The following CHST8 variants were observed in gnomAD, a reference collection of about 807,000 sequenced individuals.
CHST8 encodes the protein GALNAC-4-ST1.
CHST8 carries 10 observed loss-of-function variants against 15.0 expected under a neutral mutation model. The ratio of observed to expected loss-of-function variants is 0.67; its 90% CI spans 0.41 to 1.13. The LOEUF (loss-of-function observed/expected upper bound fraction) is 1.13. Ranked by LOEUF, CHST8 falls within the 50% of genes most tolerant of loss-of-function variation. The probability of loss-of-function intolerance (pLI) is 0.00; values close to 1 mark genes in which losing one functional copy is unlikely to be tolerated. For missense variants in CHST8, 634 were observed against 608.2 expected, an observed-to-expected ratio of 1.04 and a Z score of -0.45; for synonymous variants, 259 against 256.6, an observed-to-expected ratio of 1.01 and a Z score of -0.09.
chr19:33,770,894 G>T lies in CHST8; in HGVS notation c.131-519G>T, dbSNP rs191652260. 5.3e-5 allele frequency among the ~76,000 whole-genome samples: 8 copies of T among 152,246 alleles called. No individual in the cohort carries two copies. The East Asian group carries it at 1.5e-3, about 29-fold the overall frequency. ...CCTGTAGCAAGAGGAGAAGAAGCAC[G>T]TTCCATTCCTAGGCCTGGTGTGTGC... On this transcript the variant is annotated intron_variant, in intron 3 of 4. Coordinates refer to ENST00000650847, the MANE Select transcript of CHST8 (RefSeq NM_001127895.2).
At chr19:33,626,117 C>T (rs1214307433) in intron 1 of CHST8, among the ~76,000 whole-genome samples, 1 of 152,146 alleles carries the variant, frequency 6.6e-6, no homozygotes, top group East Asian at 1.9e-4. Flanking sequence ...CCAGAGGATG[C>T]GGCAGACGCC....
intron 1 of CHST8, among the ~76,000 whole-genome samples, chr19:33,634,076 T>C (rs552442501): frequency 1.2e-4 from 18 of 152,168 alleles, no homozygotes; most frequent in Non-Finnish European, 2.4e-4. Flanking sequence ...CGCCTTGGCC[T>C]CCCAAAGTCC....
chr19:33,643,440 G>A (rs1972309119), intron 1 of CHST8, among the ~76,000 whole-genome samples: 1 of 152,184 alleles, frequency 6.6e-6, no homozygotes. Flanking sequence ...CCCGTGTTCT[G>A]GAGGCAGCCA....
chr19:33,721,162 C>T (rs1001462916), intron 3 of CHST8, among the ~76,000 whole-genome samples: 4 of 152,222 alleles, frequency 2.6e-5, no homozygotes, highest in Admixed American at 2.0e-4. Flanking sequence ...GGGACCCTCT[C>T]TGGGGGCCCG....
chr19:33,723,960 C>T (rs1230313269), intron 3 of CHST8, among the ~76,000 whole-genome samples: 1 of 152,176 alleles, frequency 6.6e-6, no homozygotes, highest in Non-Finnish European at 1.5e-5. Context: ...GAGTAGCTTC[C>T]CGTGGCGAAG....
At chr19:33,737,205 AG>A (rs754955276) in intron 3 of CHST8, among the ~76,000 whole-genome samples, 7 of 152,340 alleles carry the variant, frequency 4.6e-5, no homozygotes, top group Admixed American at 2.0e-4. Flanking sequence ...AGCAGCCCTA[AG>A]GGCTTCTCTG....
At chr19:33,743,205 G>A (rs1334436400) in intron 3 of CHST8, among the ~76,000 whole-genome samples, 1 of 152,058 alleles carries the variant, frequency 6.6e-6, no homozygotes, top group Non-Finnish European at 1.5e-5. Context: ...AGGCAGTAGT[G>A]GATTTTCCAG....
chr19:33,703,947 G>A (rs1330832493), intron 3 of CHST8, among the ~76,000 whole-genome samples: 2 of 152,206 alleles, frequency 1.3e-5, no homozygotes, highest in Admixed American at 6.5e-5. Flanking sequence ...CCTGCACAGC[G>A]CAGGCTCCTA....
At chr19:33,704,986 T>C (rs1422815178) in intron 3 of CHST8, among the ~76,000 whole-genome samples, 1 of 151,948 alleles carries the variant, frequency 6.6e-6, no homozygotes, top group Admixed American at 6.6e-5. Flanking sequence ...GCAGCTCTAA[T>C]TTGGAATGTG....
At chr19:33,741,207 G>T (rs1275588112) in intron 3 of CHST8, among the ~76,000 whole-genome samples, 1 of 152,158 alleles carries the variant, frequency 6.6e-6, no homozygotes, top group Non-Finnish European at 1.5e-5. Context: ...TATTGACTCT[G>T]CCTGTAACGT....
intron 2 of CHST8, among the ~76,000 whole-genome samples, chr19:33,672,043 G>T (rs571185332): frequency 4.0e-5 from 6 of 151,862 alleles, no homozygotes; most frequent in African/African-American, 1.5e-4. Flanking sequence ...ATATATATGT[G>T]TGTGCATATA....
Position 33,757,658 on chromosome 19 carries a change from A to G in CHST8, c.131-13755A>G, listed in dbSNP as rs1034268917. Among the ~76,000 whole-genome samples, 11 of 151,694 alleles carry G rather than the reference A, an allele frequency of 7.3e-5. 1 individual carries two copies. Among genetic ancestry groups the G allele is most frequent in the Non-Finnish European group, 1.5e-4 (10 of 67,938 alleles). ...GGGCTCTTGGACAGGTATCCAGGGGAGGTGATGTCCCCACAGCCAGCCACT... is the reference window on the plus strand; with the variant it reads ...GGGCTCTTGGACAGGTATCCAGGGGGGGTGATGTCCCCACAGCCAGCCACT... On this transcript the variant is annotated intron_variant, in intron 3 of 4. Coordinates refer to ENST00000650847, the MANE Select transcript of CHST8 (RefSeq NM_001127895.2).
intron 3 of CHST8, among the ~76,000 whole-genome samples, chr19:33,713,801 G>T (rs1973605963): frequency 1.3e-5 from 2 of 152,104 alleles, no homozygotes; most frequent in Non-Finnish European, 2.9e-5. Flanking sequence ...CTTCGAACGG[G>T]CACCCGCCTT....
intron 3 of CHST8, among the ~76,000 whole-genome samples, chr19:33,728,352 GC>G (rs1973939875): frequency 6.6e-6 from 1 of 152,228 alleles, no homozygotes; most frequent in Non-Finnish European, 1.5e-5. Flanking sequence ...TGTAGCCAGG[GC>G]GGTGCCCTCT....
At chr19:33,725,452 G>A (rs1479953585) in intron 3 of CHST8, among the ~76,000 whole-genome samples, 2 of 152,210 alleles carry the variant, frequency 1.3e-5, no homozygotes, top group South Asian at 2.1e-4. Context: ...CAGTGGCCCA[G>A]GGTCCCTGCT....
At chr19:33,639,876 G>C (rs1374354177) in intron 1 of CHST8, among the ~76,000 whole-genome samples, 2 of 145,134 alleles carry the variant, frequency 1.4e-5, no homozygotes, top group African/African-American at 2.6e-5. Flanking sequence ...GTCTCACTCT[G>C]TCTCCCAGGC....
chr19:33,648,843 T>A (rs1172374926), intron 1 of CHST8, among the ~76,000 whole-genome samples: 1 of 149,422 alleles, frequency 6.7e-6, no homozygotes, highest in African/African-American at 2.5e-5. Context: ...TAAAATATAA[T>A]AATAAATGTG....
At chr19:33,720,326 C>A (rs536400767) in intron 3 of CHST8, among the ~76,000 whole-genome samples, 1 of 151,848 alleles carries the variant, frequency 6.6e-6, no homozygotes, top group Non-Finnish European at 1.5e-5. Context: ...ACACACTGCA[C>A]ACACACACCA....
At chr19:33,762,729 G>A (rs1185411115) in intron 3 of CHST8, among the ~76,000 whole-genome samples, 1 of 151,682 alleles carries the variant, frequency 6.6e-6, no homozygotes, top group Non-Finnish European at 1.5e-5. Flanking sequence ...CACATTTGTG[G>A]ATTTGCAAGA....
Sources: gnomAD v4.1 joint callset for allele counts (sites outside exome capture counted in the v4.1 genomes callset) on GRCh38, gnomAD v4.1.1 for gene constraint, MANE v1.5 for transcripts, NCBI Gene and HGNC (gene_info 2026-07-23, HGNC 2026-07-21) for gene names.